The following MICU3 variants were observed in gnomAD, a reference collection of about 807,000 sequenced individuals.
The protein encoded by MICU3 is mitochondrial calcium uptake 3.
Under a neutral mutation model 66.5 loss-of-function variants are expected in MICU3, and 62 were observed. The observed-to-expected ratio is 0.93, with a 90% CI of 0.76 to 1.15. The LOEUF is 1.15. Ranked by LOEUF, MICU3 falls within the 50% of genes most tolerant of loss-of-function variation. The pLI is 0.00. For synonymous variants in MICU3, 308 were observed against 240.7 expected (o/e 1.28, Z -2.59); for missense variants, 779 against 664.4 (o/e 1.17, Z -1.90).
intron 1 of MICU3, among the ~76,000 whole-genome samples, chr8:17,062,749 A>G (rs1818041046): frequency 6.6e-6 from 1 of 152,238 alleles, no homozygotes; most frequent in South Asian, 2.1e-4. Context: ...TCTTTGACTA[A>G]TCAGTTTCAC....
intron 1 of MICU3, among the ~76,000 whole-genome samples, chr8:17,031,384 C>A (rs1812045144): frequency 6.6e-6 from 1 of 151,392 alleles, no homozygotes; most frequent in African/African-American, 2.4e-5. Flanking sequence ...CTCCCAGGTT[C>A]AAGTGATTCT....
At chr8:17,103,612 A>C (rs1344690392) in intron 9 of MICU3, among the ~76,000 whole-genome samples, 1 of 151,684 alleles carries the variant, frequency 6.6e-6, no homozygotes, top group African/African-American at 2.4e-5. Context: ...GAAGGAGAGA[A>C]AAGGAAGATC....
chr8:17,061,957 G>A (rs1318572642), intron 1 of MICU3, among the ~76,000 whole-genome samples: 1 of 152,158 alleles, frequency 6.6e-6, no homozygotes, highest in Non-Finnish European at 1.5e-5. Flanking sequence ...ATATACTGCT[G>A]AGCCAACTTG....
chr8:17,088,544 A>G (rs1370759422), intron 7 of MICU3, among the ~76,000 whole-genome samples: 1 of 151,988 alleles, frequency 6.6e-6, no homozygotes, highest in Non-Finnish European at 1.5e-5. Flanking sequence ...AATACTATTT[A>G]AGGAGGCTGA....
chr8:17,041,978 C>T (rs946839658), intron 1 of MICU3, among the ~76,000 whole-genome samples: 4 of 152,140 alleles, frequency 2.6e-5, no homozygotes, highest in African/African-American at 9.7e-5. Context: ...CTGTAAAAAA[C>T]TAGAAAACCA....
chr8:17,095,962 C>G (rs1338996962), intron 8 of MICU3, among the ~76,000 whole-genome samples: 1 of 151,960 alleles, frequency 6.6e-6, no homozygotes, highest in African/African-American at 2.4e-5. Context: ...GTCACACTTA[C>G]AGGGCACACT....
rs745455177 is a variant in MICU3 at position 17,077,860 on chromosome 8, A to G, written c.645A>G (p.Lys215=). 6.2e-6 allele frequency: 10 copies of G among 1,603,142 alleles called. No individual in the cohort carries two copies. The South Asian group carries it at 1.1e-4, about 18-fold the overall frequency. ...SSKLFRNLKE[K]GVISYTEYLF... The stretch of plus-strand genomic sequence containing the variant: ...AGCTATTTCGAAATCTTAAAGAAAA[A>G]GGTGAGTTAACCTTAGTACTTGTTC... The change falls in exon 4 of 15, where the codon AAA becomes AAG. Residue 215 remains lysine (K), a splice_region_variant and synonymous_variant. Transcript: ENST00000318063.
chr8:17,135,814 A>G, the MICU3 span, among the ~76,000 whole-genome samples: 8 of 152,236 alleles, frequency 5.3e-5, no homozygotes, highest in East Asian at 1.5e-3. Context: ...AATCATCTCA[A>G]ATGCCTTTCA....
At chr8:17,075,669 A>AT (rs1820277862) in intron 3 of MICU3, among the ~76,000 whole-genome samples, 1 of 152,200 alleles carries the variant, frequency 6.6e-6, no homozygotes, top group Admixed American at 6.5e-5. Flanking sequence ...GGGAGAAACT[A>AT]GATTATTACT....
At chr8:17,129,993 G>T in the MICU3 span, among the ~76,000 whole-genome samples, 16 of 152,090 alleles carry the variant, frequency 1.1e-4, no homozygotes, top group Non-Finnish European at 7.4e-5. Context: ...GTGTTAAACT[G>T]GAATAGTATA....
chr8:17,065,773 T>C (rs1818579192), intron 2 of MICU3, among the ~76,000 whole-genome samples: 1 of 151,998 alleles, frequency 6.6e-6, no homozygotes, highest in African/African-American at 2.4e-5. Flanking sequence ...CAGGAGTGAG[T>C]AGCAGATGAA....
chr8:17,098,697 A>G (rs1800988516), intron 9 of MICU3, 144 bp downstream of exon 9: 5 of 592,684 alleles, frequency 8.4e-6, no homozygotes, highest in Non-Finnish European at 1.5e-5. Flanking sequence ...CTATATATAA[A>G]CTGTGTATTT....
intron 9 of MICU3, among the ~76,000 whole-genome samples, chr8:17,100,925 TTTTGCTTTAAA>T (rs948619787): frequency 1.1e-4 from 17 of 151,910 alleles, no homozygotes; most frequent in African/African-American, 4.1e-4. Flanking sequence ...AAATGTAAAA[TTTTGCTTTAAA>T]TTTGCTTTAA....
intron 1 of MICU3, among the ~76,000 whole-genome samples, chr8:17,060,514 G>T (rs543617432): frequency 8.6e-4 from 131 of 152,202 alleles, no homozygotes; most frequent in African/African-American, 2.9e-3. Flanking sequence ...GTTTCACCAT[G>T]TTGGCCAGGC....
intron 9 of MICU3, among the ~76,000 whole-genome samples, chr8:17,100,018 A>G (rs1196328815): frequency 6.6e-6 from 1 of 151,818 alleles, no homozygotes; most frequent in East Asian, 1.9e-4. Context: ...TTTCTGTAAG[A>G]TCTTTGGAAA....
At chr8:17,093,262 T>G (rs915314480) in intron 8 of MICU3, among the ~76,000 whole-genome samples, 2 of 152,060 alleles carry the variant, frequency 1.3e-5, no homozygotes, top group Admixed American at 6.6e-5. Flanking sequence ...AAAAGCCAAG[T>G]ACATTTGACT....
intron 11 of MICU3, 80 bp from the exon 12 acceptor site, chr8:17,114,012 GT>G: frequency 8.2e-6 from 7 of 854,562 alleles, no homozygotes; most frequent in Middle Eastern, 3.1e-4. Context: ...TGCTTAATCT[GT>G]TTTTTTCTCT....
chr8:17,074,590 CGTGTGTGTGTGT>C (rs35861279), intron 3 of MICU3, among the ~76,000 whole-genome samples: 11,214 of 142,004 alleles, frequency 0.079, 1,446 homozygotes, highest in African/African-American at 0.27. Context: ...GATGTTAAAA[CGTGTGTGTGTGT>C]GTGTGTGTGT....
chr8:17,095,292 T>G lies in MICU3; in HGVS notation c.889-3166T>G, dbSNP rs564507403. Among the ~76,000 whole-genome samples the G allele has an allele frequency of 4.0e-4, 61 of 152,058 alleles. 1 individual carries two copies. The highest frequency in any genetic ancestry group is 1.4e-3 in the African/African-American group (59 of 41,528). ...ATTGTTGGAAAGTCTCTGTTCAGAT[T>G]CTTTAAGGACTAGATTAAGGATATA... On this transcript the variant is annotated intron_variant, in intron 8 of 14. Coordinates refer to ENST00000318063, the MANE Select transcript of MICU3 (RefSeq NM_181723.3).
Sources: allele counts gnomAD v4.1 joint callset (sites outside exome capture counted in the v4.1 genomes callset), GRCh38; gene constraint gnomAD v4.1.1; transcripts MANE v1.5; gene names NCBI Gene and HGNC (gene_info 2026-07-23, HGNC 2026-07-21).